The following STAU2 variants were observed in gnomAD, a reference collection of about 807,000 sequenced individuals.
STAU2 encodes double-stranded RNA-binding protein Staufen homolog 2.
Under a neutral mutation model 65.9 loss-of-function variants are expected in STAU2, and 20 were observed. That is an observed-to-expected ratio of 0.30 (90% CI 0.21 to 0.44). The LOEUF is 0.44. STAU2 is among the 20% of genes least tolerant of loss of function. STAU2 has a pLI of 1.00. For missense variants in STAU2, 558 were observed against 683.9 expected (o/e 0.82, Z 2.05); for synonymous variants, 232 against 233.9 (o/e 0.99, Z 0.07).
intron 12 of STAU2, among the ~76,000 whole-genome samples, chr8:73,566,435 G>C (rs951944626): frequency 6.6e-6 from 1 of 152,016 alleles, no homozygotes; most frequent in Non-Finnish European, 1.5e-5. Context: ...ACAATAGTTT[G>C]AACATTTTCC....
chr8:73,605,842 TACACACACACAC>T (rs1176899097), intron 9 of STAU2, among the ~76,000 whole-genome samples: 1,534 of 118,386 alleles, frequency 0.013, 22 homozygotes, highest in African/African-American at 0.026. Context: ...CACATACACA[TACACACACACAC>T]ACACACACAC....
At chr8:73,733,580 A>T (rs1166985709) in intron 3 of STAU2, among the ~76,000 whole-genome samples, 2 of 152,228 alleles carry the variant, frequency 1.3e-5, no homozygotes, top group African/African-American at 4.8e-5. Context: ...AAAAGTATAA[A>T]GTAATGATTA....
chr8:73,528,451 G>A (rs550077854), intron 13 of STAU2, among the ~76,000 whole-genome samples: 165 of 152,222 alleles, frequency 1.1e-3, no homozygotes, highest in African/African-American at 3.9e-3. Context: ...CAGAGGTAAG[G>A]TACATGGGGA....
At chr8:73,489,090 T>C (rs1487364564) in intron 13 of STAU2, among the ~76,000 whole-genome samples, 1 of 151,926 alleles carries the variant, frequency 6.6e-6, no homozygotes, top group African/African-American at 2.4e-5. Flanking sequence ...GAATTTTTTT[T>C]TCAAATTTAT....
At chr8:73,519,903 T>C (rs1189951026) in intron 13 of STAU2, among the ~76,000 whole-genome samples, 1 of 152,042 alleles carries the variant, frequency 6.6e-6, no homozygotes, top group Admixed American at 6.6e-5. Context: ...AGTGTAACAA[T>C]GGGATAATGT....
At chr8:73,745,354 T>C (rs1294633382) in intron 1 of STAU2, among the ~76,000 whole-genome samples, 1 of 152,220 alleles carries the variant, frequency 6.6e-6, no homozygotes. Flanking sequence ...ATAAGATTTT[T>C]CCACCGCAGC....
At chr8:73,484,487 C>A (rs1019534288) in intron 13 of STAU2, among the ~76,000 whole-genome samples, 1 of 152,100 alleles carries the variant, frequency 6.6e-6, no homozygotes, top group African/African-American at 2.4e-5. Flanking sequence ...GGAAATCTTG[C>A]AGAGTAGAAC....
In STAU2 at chr8:73,671,401, A is replaced by C. The variant is rs145336866; in HGVS notation, c.410+1706T>G. Among the ~76,000 whole-genome samples, 1,168 of 152,070 alleles carry C rather than the reference A, an allele frequency of 7.7e-3. 20 individuals carry two copies. The highest frequency in any genetic ancestry group is 0.023 in the African/African-American group (970 of 41,470). ...TCTAAAAAACAAACAAACAAACAAA[A>C]AAAAACAAAAAAAACACTACTTTTT... On this transcript the variant is annotated intron_variant, in intron 6 of 14. Coordinates refer to ENST00000524300, the MANE Select transcript of STAU2 (RefSeq NM_001164380.2).
At chr8:73,588,712 GA>G (rs201550652) in intron 11 of STAU2, among the ~76,000 whole-genome samples, 3 of 150,846 alleles carry the variant, frequency 2.0e-5, no homozygotes, top group South Asian at 2.1e-4. Context: ...TGCTCCTGGG[GA>G]AAAAAAAAGA....
intron 13 of STAU2, chr8:73,527,707 T>G: frequency 6.5e-7 from 1 of 1,536,658 alleles, no homozygotes; most frequent in South Asian, 1.2e-5. Context: ...ATGGCTGGCT[T>G]CAATGGAGCT....
chr8:73,486,348 T>C (rs958538584), intron 13 of STAU2, among the ~76,000 whole-genome samples: 1 of 152,006 alleles, frequency 6.6e-6, no homozygotes, highest in African/African-American at 2.4e-5. Flanking sequence ...AGTTCCTGTG[T>C]AATTTATTTC....
chr8:73,679,957 C>G (rs1266029446), intron 5 of STAU2, among the ~76,000 whole-genome samples: 2 of 146,942 alleles, frequency 1.4e-5, no homozygotes, highest in Non-Finnish European at 3.0e-5. Context: ...CCTGTAGACA[C>G]TCCCAGTCCC....
intron 13 of STAU2, among the ~76,000 whole-genome samples, chr8:73,497,617 A>G (rs4738376): frequency 0.24 from 36,975 of 151,584 alleles, 5,522 homozygotes; most frequent in East Asian, 0.51. Context: ...ATCACAGGAC[A>G]ACTTTTCGAG....
At chr8:73,517,824 C>A (rs1822824193) in intron 13 of STAU2, among the ~76,000 whole-genome samples, 1 of 152,086 alleles carries the variant, frequency 6.6e-6, no homozygotes, top group Middle Eastern at 3.2e-3. Flanking sequence ...TAATAAGTCA[C>A]TTGTGTGCAC....
chr8:73,477,460 A>G (rs891346191), intron 13 of STAU2, among the ~76,000 whole-genome samples: 1 of 152,218 alleles, frequency 6.6e-6, no homozygotes, highest in Non-Finnish European at 1.5e-5. Context: ...TCATGATGTT[A>G]AATTCATTTT....
At chr8:73,592,716 C>T (rs189136976) in intron 11 of STAU2, among the ~76,000 whole-genome samples, 6 of 152,020 alleles carry the variant, frequency 3.9e-5, no homozygotes, top group African/African-American at 1.4e-4. Context: ...AAAAATCAGC[C>T]AGGCATGGTG....
intron 3 of STAU2, among the ~76,000 whole-genome samples, chr8:73,713,489 A>G (rs72659500): frequency 7.1e-4 from 108 of 152,326 alleles, no homozygotes; most frequent in Non-Finnish European, 1.3e-3. Flanking sequence ...AGGCTGTTAC[A>G]AAAACTCCTT....
rs374917346 is a variant in STAU2 at position 73,532,010 on chromosome 8, T to C, written c.1530+20002A>G. Among the ~76,000 whole-genome samples, 104 of 152,304 alleles carry C rather than the reference T, an allele frequency of 6.8e-4. No homozygotes were observed. In the South Asian group the frequency reaches 0.019, roughly 28 times the overall value. On this transcript the variant is annotated intron_variant, in intron 13 of 14. Transcript: ENST00000524300. ...CCTAAGGCCCCTGCAGCCAACTTAA[T>C]AGACCCCCTCTGAGTCAAGGGGACC...
In STAU2 at chr8:73,746,745, G is replaced by C; in HGVS notation, c.-197+38C>G. The C allele has an allele frequency of 3.4e-6, 4 of 1,173,810 alleles. No homozygotes were observed. The East Asian group carries it at 9.6e-5, about 28-fold the overall frequency. The allele number at this position is 1,173,810 out of a possible 1,614,324, so 72.7% of individuals were successfully genotyped here. On this transcript the variant is annotated intron_variant, in intron 1 of 14. Coordinates refer to ENST00000524300, the MANE Select transcript of STAU2 (RefSeq NM_001164380.2). ...TGCCTTCTTCGCCGGCGGCGCGGAAGTCGGGGTCTCCCGGACGCCCCCGAT... is the reference window on the plus strand; with the variant it reads ...TGCCTTCTTCGCCGGCGGCGCGGAACTCGGGGTCTCCCGGACGCCCCCGAT...
Sources: allele counts gnomAD v4.1 joint callset (sites outside exome capture counted in the v4.1 genomes callset), GRCh38; gene constraint gnomAD v4.1.1; transcripts MANE v1.5; gene names NCBI Gene and HGNC (gene_info 2026-07-23, HGNC 2026-07-21).